MYL4: variants seen among roughly 807,000 people sequenced by gnomAD.
MYL4 encodes the protein myosin light chain 4, also known as atrial myosin light chain 1.
Under a neutral mutation model 21.6 loss-of-function variants are expected in MYL4, and 16 were observed. The ratio of observed to expected loss-of-function variants is 0.74; its 90% confidence interval spans 0.50 to 1.12. The LOEUF (loss-of-function observed/expected upper bound fraction) is 1.12. MYL4 is among the 50% of genes most tolerant of loss of function. MYL4 has a pLI of 0.00. For synonymous variants in MYL4, 82 were observed against 95.7 expected (o/e 0.86, Z 0.83); for missense variants, 249 against 252.9 (o/e 0.98, Z 0.11).
At chr17:47,205,082 G>A (rs556412414), upstream of MYL4, among the ~76,000 whole-genome samples, 4 of 152,308 alleles carry the variant, frequency 2.6e-5, no homozygotes, top group South Asian at 2.1e-4. Context: ...GAGTGTTTGC[G>A]AGCTCAGCCC....
upstream of MYL4, among the ~76,000 whole-genome samples, chr17:47,199,890 C>G (rs2035928886): frequency 6.6e-6 from 1 of 151,488 alleles, no homozygotes; most frequent in Non-Finnish European, 1.5e-5. Flanking sequence ...CATGTGCCAC[C>G]ATACCTGGCT....
At chr17:47,194,385 T>G in the MYL4 span, among the ~76,000 whole-genome samples, 1 of 152,242 alleles carries the variant, frequency 6.6e-6, no homozygotes, top group Admixed American at 6.5e-5. Context: ...ATCTTTCACA[T>G]GGAGTTTTAT....
chr17:47,209,432 A>G lies in MYL4; in HGVS notation c.10A>G (p.Lys4Glu). 6.2e-7 allele frequency: 1 copy of G among 1,614,172 alleles called. No individual in the cohort carries two copies. Among genetic ancestry groups the G allele is most frequent in the Non-Finnish European group, 8.5e-7 (1 of 1,180,028 alleles). Residue 4 changes from lysine (K) to glutamate (E), a missense_variant, in exon 1 of 7, where the codon AAG becomes GAG. Physicochemically the swap from Lys to Glu is moderately conservative, Grantham distance 56. Transcript: ENST00000393450. MAP[K>E]KPEPKKEAAK... ...ATCCCAACAAGACAACATGGCTCCC[A>G]AGAAGCCTGAGCCTAAGAAGGAGGC...
In MYL4 at chr17:47,213,814, G is replaced by C. The variant is rs772358836; in HGVS notation, c.151G>C (p.Asp51His). 6.2e-6 allele frequency: 10 copies of C among 1,614,062 alleles called. No individual in the cohort carries two copies. Among genetic ancestry groups the C allele is most frequent in the Non-Finnish European group, 7.6e-6 (9 of 1,179,982 alleles). Reference protein sequence around the residue: ...PKSVKIDFTADQIEEFKEAFS... With the variant: ...PKSVKIDFTAHQIEEFKEAFS... ...CTCCCTACAGATAGACTTCACTGCCGACCAGATTGAAGGTGAGTATGGACA... is the reference window on the plus strand; with the variant it reads ...CTCCCTACAGATAGACTTCACTGCCCACCAGATTGAAGGTGAGTATGGACA... The change falls in exon 2 of 7, where the codon GAC becomes CAC. Residue 51 changes from aspartate to histidine, a missense_variant. By Grantham distance (81) the Asp-to-His change is moderately conservative. Transcript: ENST00000393450.
Position 47,213,809 on chromosome 17 carries a change from C to T in MYL4, c.146C>T (p.Thr49Ile). The change falls in exon 2 of 7, where the codon ACT becomes ATT. Residue 49 changes from threonine (T) to isoleucine (I), a missense_variant. Physicochemically the swap from Thr to Ile is moderately conservative, Grantham distance 89. Coordinates refer to ENST00000393450, the MANE Select transcript of MYL4 (RefSeq NM_002476.2). The part of the protein sequence containing the change: ...FDPKSVKIDF[T>I]ADQIEEFKEA... ...TTTCCCTCCCTACAGATAGACTTCACTGCCGACCAGATTGAAGGTGAGTAT... is the reference window on the plus strand; with the variant it reads ...TTTCCCTCCCTACAGATAGACTTCATTGCCGACCAGATTGAAGGTGAGTAT... 1.9e-6 allele frequency: 3 copies of T among 1,614,206 alleles called. No individual in the cohort carries two copies. Among genetic ancestry groups the T allele is most frequent in the South Asian group, 1.1e-5 (1 of 91,090 alleles).
chr17:47,219,871 A>G, intron 2 of MYL4, 33 bp from the exon 3 acceptor site: 1 of 1,613,824 alleles, frequency 6.2e-7, no homozygotes, highest in Non-Finnish European at 8.5e-7. Flanking sequence ...TTCACTGGGG[A>G]TTGGAAGGTA....
intron 1 of MYL4, among the ~76,000 whole-genome samples, chr17:47,201,347 A>C (rs2064708791): frequency 6.6e-6 from 1 of 151,786 alleles, no homozygotes; most frequent in East Asian, 1.9e-4. Flanking sequence ...CCTTGGTGGG[A>C]AGGATTCTTA....
In MYL4 at chr17:47,220,006, C is replaced by T; in HGVS notation, c.266C>T (p.Pro89Leu). The stretch of plus-strand genomic sequence containing the variant: ...GTACTGCGGGCCCTGGGCCAGAACC[C>T]TACCAATGCCGAGGTGCTGCGTGTG... ...GDVLRALGQN[P>L]TNAEVLRVLG... is the part of the protein sequence containing the mutation. The change falls in exon 3 of 7, where the codon CCT becomes CTT. Residue 89 changes from proline to leucine, a missense_variant. Physicochemically the swap from Pro to Leu is moderately conservative, Grantham distance 98. Transcript: ENST00000393450. 6.2e-7 allele frequency: 1 copy of T among 1,614,208 alleles called. No homozygotes were observed. The highest frequency in any genetic ancestry group is 1.3e-5 in the African/African-American group (1 of 75,068).
intron 2 of MYL4, among the ~76,000 whole-genome samples, chr17:47,217,799 C>T (rs1028957363): frequency 5.9e-5 from 9 of 151,896 alleles, no homozygotes; most frequent in Admixed American, 2.6e-4. Context: ...TTTGGGAGGC[C>T]GACGTGGGCT....
intron 1 of MYL4, among the ~76,000 whole-genome samples, chr17:47,213,276 T>G (rs1164068915): frequency 6.6e-6 from 1 of 152,158 alleles, no homozygotes; most frequent in African/African-American, 2.4e-5. Context: ...TAATAAGCGG[T>G]ATTGAGAGAG....
chr17:47,201,369 T>C (rs2064708933), intron 1 of MYL4, among the ~76,000 whole-genome samples: 1 of 152,178 alleles, frequency 6.6e-6, no homozygotes, highest in Non-Finnish European at 1.5e-5. Flanking sequence ...ATACAGAGGA[T>C]TGGGTTAATC....
At chr17:47,190,754 A>G in the MYL4 span, among the ~76,000 whole-genome samples, 1 of 152,224 alleles carries the variant, frequency 6.6e-6, no homozygotes, top group East Asian at 1.9e-4. Context: ...ACTGGCCTGG[A>G]AAGTAGCCAT....
In MYL4 at chr17:47,221,683, G is replaced by A. The variant is rs762424935; in HGVS notation, c.315G>A (p.Glu105=). The change falls in exon 4 of 7, where the codon GAG becomes GAA. Residue 105 remains glutamate (E), a splice_region_variant and synonymous_variant. Transcript: ENST00000393450. ...LRVLGKPKPE[E]MNVKMLDFET... ...TTTCTTTACCCTGCCTGCCTGAAGAGATGAATGTCAAGATGCTGGACTTTG... is the reference window on the plus strand; with the variant it reads ...TTTCTTTACCCTGCCTGCCTGAAGAAATGAATGTCAAGATGCTGGACTTTG... 2.5e-6 allele frequency: 4 copies of A among 1,612,582 alleles called. No homozygotes were observed. Among genetic ancestry groups the A allele is most frequent in the Non-Finnish European group, 3.4e-6 (4 of 1,178,968 alleles).
chr17:47,218,639 G>A (rs1214535024), intron 2 of MYL4, among the ~76,000 whole-genome samples: 1 of 152,082 alleles, frequency 6.6e-6, no homozygotes, highest in Non-Finnish European at 1.5e-5. Flanking sequence ...ACAAAAATTA[G>A]CCAGGTGTCG....
rs760529733 is a variant in MYL4 at position 47,221,326 on chromosome 17, G to A, written c.314-356G>A. Among the ~76,000 whole-genome samples, 110 of 152,174 alleles carry A rather than the reference G, an allele frequency of 7.2e-4. 1 individual carries two copies. The Middle Eastern group carries it at 0.014, about 19-fold the overall frequency. ...AGGGTCTAAACTGAGTGTGAGGCCC[G>A]GGCCGCGTGGCACTTCAGACCCCTC... is the stretch of plus-strand genomic sequence containing the variant. On this transcript the variant is annotated intron_variant, in intron 3 of 6. Coordinates refer to ENST00000393450, the MANE Select transcript of MYL4 (RefSeq NM_002476.2).
At chr17:47,215,061 G>C (rs1011367501) in intron 2 of MYL4, among the ~76,000 whole-genome samples, 3 of 152,078 alleles carry the variant, frequency 2.0e-5, no homozygotes, top group African/African-American at 7.2e-5. Context: ...AAATTATAAT[G>C]GTTATTACCA....
chr17:47,197,137 C>T (rs564459248), upstream of MYL4, among the ~76,000 whole-genome samples: 9 of 134,716 alleles, frequency 6.7e-5, no homozygotes, highest in South Asian at 1.7e-3. Context: ...CTCGCACTGT[C>T]GCCCAGGCTG....
chr17:47,199,070 T>TG (rs796851465), upstream of MYL4, among the ~76,000 whole-genome samples: 2 of 140,766 alleles, frequency 1.4e-5, no homozygotes, highest in African/African-American at 5.2e-5. Flanking sequence ...CCGTCTTTAC[T>TG]AAAAAAAAAA....
rs1390187341 is a variant in MYL4, at chr17:47,209,557, G to C, written c.135G>C (p.Lys45Asn). 6.2e-7 allele frequency: 1 copy of C among 1,614,104 alleles called. No individual in the cohort carries two copies. The highest frequency in any genetic ancestry group is 8.5e-7 in the Non-Finnish European group (1 of 1,180,052). ...KEPAFDPKSVKIDFTADQIEE... is the reference protein window; with the variant it reads ...KEPAFDPKSVNIDFTADQIEE... ...CTGCCTTTGACCCCAAGAGTGTAAAGGTAAGTGAGGCTCAGCCATTGGGAT... is the reference window on the plus strand; with the variant it reads ...CTGCCTTTGACCCCAAGAGTGTAAACGTAAGTGAGGCTCAGCCATTGGGAT... The change falls in exon 1 of 7, where the codon AAG (lysine) becomes AAC (asparagine). Residue 45 changes from lysine to asparagine, a missense_variant and splice_region_variant. By Grantham distance (94) the Lys-to-Asn change is moderately conservative (BLOSUM62 0). Transcript: ENST00000393450.
Sources: allele counts gnomAD v4.1 joint callset (sites outside exome capture counted in the v4.1 genomes callset), GRCh38; gene constraint gnomAD v4.1.1; transcripts MANE v1.5; gene names NCBI Gene and HGNC (gene_info 2026-07-23, HGNC 2026-07-21).